The following KLHL2 variants were observed in gnomAD, a reference collection of about 807,000 sequenced individuals.
The protein encoded by KLHL2 is kelch like family member 2, also known as kelch-like protein 2.
KLHL2 carries 15 observed loss-of-function variants against 75.8 expected under a neutral mutation model. The observed-to-expected ratio is 0.20, with a 90% CI of 0.13 to 0.30. The LOEUF is 0.30. KLHL2 is among the 10% of genes least tolerant of loss of function. The pLI is 1.00. For missense variants in KLHL2, 381 were observed against 741.0 expected, an observed-to-expected ratio of 0.51 and a Z score of 5.64; for synonymous variants, 214 against 251.9, an observed-to-expected ratio of 0.85 and a Z score of 1.42.
chr4:165,263,058 T>C, intron 4 of KLHL2, 139 bp from the exon 5 acceptor site: 2 of 643,746 alleles, frequency 3.1e-6, no homozygotes, highest in South Asian at 5.0e-5. Flanking sequence ...ATAATTTTTA[T>C]ATTTGTTTTC....
intron 5 of KLHL2, 48 bp from the exon 6 acceptor site, chr4:165,294,311 A>T: frequency 9.3e-7 from 1 of 1,074,810 alleles, no homozygotes; most frequent in Non-Finnish European, 1.4e-6. Context: ...TGAAACTATG[A>T]TAATGGAATG....
intron 3 of KLHL2, among the ~76,000 whole-genome samples, chr4:165,232,202 T>A (rs1738947582): frequency 6.6e-6 from 1 of 151,950 alleles, no homozygotes; most frequent in Non-Finnish European, 1.5e-5. Context: ...GGCAGGTGGA[T>A]CACGAGGTCA....
In KLHL2 at chr4:165,269,991, C is replaced by A. The variant is rs4691179; in HGVS notation, c.544+6632C>A. 2.3e-3 allele frequency among the ~76,000 whole-genome samples: 349 copies of A among 152,162 alleles called. 1 individual carries two copies. The highest frequency in any genetic ancestry group is 0.02 in the Middle Eastern group (6 of 294). ...TATATTTGGTCTTTATCCATAATCA[C>A]ATATTTCTTGGAGGCTTTGTTCATT... On this transcript the variant is annotated intron_variant, in intron 5 of 14. Coordinates refer to ENST00000226725, the MANE Select transcript of KLHL2 (RefSeq NM_007246.4).
intron 13 of KLHL2, among the ~76,000 whole-genome samples, chr4:165,316,506 G>A (rs545512170): frequency 5.3e-5 from 8 of 152,174 alleles, no homozygotes; most frequent in Admixed American, 2.6e-4. Flanking sequence ...AGCATTATTC[G>A]GGATTCTTTG....
intron 5 of KLHL2, among the ~76,000 whole-genome samples, chr4:165,279,873 G>A (rs1474947126): frequency 2.0e-5 from 3 of 152,128 alleles, no homozygotes; most frequent in African/African-American, 7.2e-5. Flanking sequence ...ATCTTTCCCT[G>A]CGTATTTTGT....
chr4:165,232,277 A>G (rs1312694570), intron 3 of KLHL2, among the ~76,000 whole-genome samples: 1 of 151,876 alleles, frequency 6.6e-6, no homozygotes, highest in Non-Finnish European at 1.5e-5. Flanking sequence ...CAAAAAAAAA[A>G]TTAGCCGGGC....
At position 165,211,042 on chromosome 4, in the gene KLHL2, G is replaced by A. The variant is rs148150141; in HGVS notation, c.26+3140G>A. 3.9e-3 allele frequency among the ~76,000 whole-genome samples: 590 copies of A among 152,092 alleles called. 4 individuals carry two copies. The highest frequency in any genetic ancestry group is 0.022 in the South Asian group (105 of 4,812). ...GGTTCCACATTACTAGAGACTTGTC[G>A]TCAGAGGTGGTCATGCATAGGCAGA... On this transcript the variant is annotated intron_variant, in intron 1 of 14. Coordinates refer to ENST00000226725, the MANE Select transcript of KLHL2 (RefSeq NM_007246.4).
chr4:165,220,795 C>T (rs1430989615), intron 2 of KLHL2, among the ~76,000 whole-genome samples: 2 of 152,058 alleles, frequency 1.3e-5, no homozygotes, highest in African/African-American at 4.8e-5. Flanking sequence ...AGTGACCTGC[C>T]TGTTGCTGAG....
intron 5 of KLHL2, among the ~76,000 whole-genome samples, chr4:165,275,561 A>C (rs1743017956): frequency 6.6e-6 from 1 of 152,200 alleles, no homozygotes; most frequent in Non-Finnish European, 1.5e-5. Context: ...GAAACTACTT[A>C]GTACTAGTTC....
intron 5 of KLHL2, among the ~76,000 whole-genome samples, chr4:165,287,046 T>C (rs1006635313): frequency 6.6e-6 from 1 of 152,224 alleles, no homozygotes; most frequent in African/African-American, 2.4e-5. Context: ...ATTTTAAGTG[T>C]TCCACTCAGT....
chr4:165,232,456 C>T (rs950881072), intron 3 of KLHL2, among the ~76,000 whole-genome samples: 16 of 150,826 alleles, frequency 1.1e-4, no homozygotes, highest in Admixed American at 5.3e-4. Context: ...AAAGGCAGGG[C>T]GCAGTGGCTC....
intron 5 of KLHL2, among the ~76,000 whole-genome samples, chr4:165,266,595 G>A (rs1742259661): frequency 6.6e-6 from 1 of 152,110 alleles, no homozygotes; most frequent in Admixed American, 6.5e-5. Context: ...CCCATTGCTG[G>A]TTTTTGTCAA....
In KLHL2 at chr4:165,234,002, C is replaced by G. The variant is rs144543074; in HGVS notation, c.260-4776C>G. ...AAAATATCCTAAGGTTTGTTCCTCT[C>G]CTAAATGAAAGATGCCTGCAAGAGT... On this transcript the variant is annotated intron_variant, in intron 3 of 14. Coordinates refer to ENST00000226725, the MANE Select transcript of KLHL2 (RefSeq NM_007246.4). Among the ~76,000 whole-genome samples, 937 of 152,326 alleles carry G rather than the reference C, an allele frequency of 6.2e-3. 9 individuals are homozygous for G. The highest frequency in any genetic ancestry group is 0.021 in the African/African-American group (869 of 41,588).
At chr4:165,290,791 AC>A (rs1225118421) in intron 5 of KLHL2, among the ~76,000 whole-genome samples, 3 of 152,030 alleles carry the variant, frequency 2.0e-5, no homozygotes, top group Admixed American at 2.0e-4. Flanking sequence ...ACATGGTGAA[AC>A]CCCGTCTCTA....
At chr4:165,274,865 G>T (rs1742957174) in intron 5 of KLHL2, among the ~76,000 whole-genome samples, 1 of 152,180 alleles carries the variant, frequency 6.6e-6, no homozygotes, top group Admixed American at 6.5e-5. Context: ...AACCAAATGG[G>T]TAGGTTAGAG....
chr4:165,259,088 A>G (rs56681900), intron 4 of KLHL2, among the ~76,000 whole-genome samples: 11,469 of 152,022 alleles, frequency 0.075, 489 homozygotes, highest in Middle Eastern at 0.13. Context: ...TGTATTTCTA[A>G]CTATGAACCT....
intron 5 of KLHL2, among the ~76,000 whole-genome samples, chr4:165,292,671 G>C (rs1413913846): frequency 2.0e-5 from 3 of 152,108 alleles, no homozygotes; most frequent in African/African-American, 7.2e-5. Flanking sequence ...TGAGATTTAT[G>C]AAAATGCAGG....
chr4:165,302,472 A>C (rs1398468425), intron 8 of KLHL2, among the ~76,000 whole-genome samples: 1 of 152,218 alleles, frequency 6.6e-6, no homozygotes, highest in Admixed American at 6.5e-5. Context: ...ATGAGAGTGA[A>C]TTAGTACTTT....
chr4:165,248,609 G>C (rs1740446328), intron 4 of KLHL2, among the ~76,000 whole-genome samples: 1 of 152,210 alleles, frequency 6.6e-6, no homozygotes, highest in Non-Finnish European at 1.5e-5. Context: ...TGTGGATGGT[G>C]ATCAACTAGT....
Sources: gnomAD v4.1 joint callset for allele counts (sites outside exome capture counted in the v4.1 genomes callset) on GRCh38, gnomAD v4.1.1 for gene constraint, MANE v1.5 for transcripts, NCBI Gene and HGNC (gene_info 2026-07-23, HGNC 2026-07-21) for gene names.